ESRRG: variants seen among roughly 807,000 people sequenced by gnomAD.
ESRRG encodes the protein estrogen-related receptor gamma.
Under a neutral mutation model 44.0 loss-of-function variants are expected in ESRRG, and 13 were observed. The observed-to-expected ratio is 0.30, with a 90% confidence interval of 0.19 to 0.47. ESRRG has a LOEUF of 0.47. Among genes scored for constraint, ESRRG ranks in the 20% least tolerant of loss-of-function variants. ESRRG has a pLI of 1.00. For missense variants in ESRRG, 395 were observed against 580.6 expected (o/e 0.68, Z 3.29); for synonymous variants, 215 against 214.6 (o/e 1.00, Z -0.02).
At chr1:216,648,809 G>T (rs1193929471) in intron 3 of ESRRG, among the ~76,000 whole-genome samples, 1 of 152,012 alleles carries the variant, frequency 6.6e-6, no homozygotes, top group East Asian at 1.9e-4. Flanking sequence ...TTAAAAAATG[G>T]ATTTGCTTTT....
chr1:217,003,520 T>C (rs1264343893), intron 1 of ESRRG, among the ~76,000 whole-genome samples: 1 of 150,834 alleles, frequency 6.6e-6, no homozygotes, highest in Non-Finnish European at 1.5e-5. Flanking sequence ...TTTGCTTGTC[T>C]CATGGCTAAT....
chr1:216,576,806 CA>C (rs2061760688), intron 3 of ESRRG, among the ~76,000 whole-genome samples: 1 of 151,986 alleles, frequency 6.6e-6, no homozygotes, highest in South Asian at 2.1e-4. Flanking sequence ...ATCTATGACA[CA>C]TACAAGTACA....
chr1:216,790,175 T>G (rs1333299718), intron 2 of ESRRG, among the ~76,000 whole-genome samples: 3 of 152,176 alleles, frequency 2.0e-5, no homozygotes, highest in East Asian at 3.9e-4. Flanking sequence ...CAACCTGCCA[T>G]AGTCACTTCA....
chr1:216,606,582 C>A (rs944497670), intron 3 of ESRRG, among the ~76,000 whole-genome samples: 1 of 152,000 alleles, frequency 6.6e-6, no homozygotes, highest in African/African-American at 2.4e-5. Context: ...ACAAGATGAC[C>A]CTCAGCACTC....
At chr1:216,785,991 G>T (rs1164460169) in intron 2 of ESRRG, among the ~76,000 whole-genome samples, 1 of 152,086 alleles carries the variant, frequency 6.6e-6, no homozygotes, top group African/African-American at 2.4e-5. Context: ...ATAGTGGTGG[G>T]AGTTTAGGAA....
At chr1:216,894,683 G>A (rs1033262176) in intron 2 of ESRRG, among the ~76,000 whole-genome samples, 1 of 152,084 alleles carries the variant, frequency 6.6e-6, no homozygotes, top group African/African-American at 2.4e-5. Context: ...GGAGGGAGGA[G>A]GAAGAGAGCG....
intron 1 of ESRRG, among the ~76,000 whole-genome samples, chr1:217,024,140 C>T (rs538385944): frequency 3.3e-5 from 5 of 152,218 alleles, no homozygotes; most frequent in Admixed American, 6.5e-5. Flanking sequence ...GGGCGGATCA[C>T]GAGGTCAGGA....
intron 5 of ESRRG, among the ~76,000 whole-genome samples, chr1:216,534,949 T>C (rs950262794): frequency 1.3e-5 from 2 of 152,040 alleles, no homozygotes; most frequent in African/African-American, 4.8e-5. Flanking sequence ...AGTGGGTCAA[T>C]CCAAGTCAGC....
intron 1 of ESRRG, among the ~76,000 whole-genome samples, chr1:217,038,725 C>T (rs923038536): frequency 6.6e-6 from 1 of 152,196 alleles, no homozygotes; most frequent in Non-Finnish European, 1.5e-5. Context: ...CTCTGACCTG[C>T]ACTGGAGACA....
intron 3 of ESRRG, among the ~76,000 whole-genome samples, chr1:216,570,213 C>T (rs2060523837): frequency 6.6e-6 from 1 of 152,058 alleles, no homozygotes; most frequent in African/African-American, 2.4e-5. Flanking sequence ...CATCAGGAGA[C>T]AACTTTGAGA....
intron 5 of ESRRG, among the ~76,000 whole-genome samples, chr1:216,542,161 C>T (rs967889932): frequency 6.8e-6 from 1 of 147,836 alleles, no homozygotes; most frequent in Non-Finnish European, 1.5e-5. Context: ...AGTTCCTATC[C>T]TTTTCATCTG....
chr1:216,505,573 T>C lies in ESRRG; in HGVS notation c.*1366A>G, dbSNP rs932250489. On this transcript the variant is annotated 3_prime_UTR_variant, in exon 7 of 7. Coordinates refer to ENST00000408911, the MANE Select transcript of ESRRG (RefSeq NM_001438.4). ...GGCAGTATCACATTCCTAACCACCATGGCAGCTAGAAATCATATGGCAATT... is the reference window on the plus strand; with the variant it reads ...GGCAGTATCACATTCCTAACCACCACGGCAGCTAGAAATCATATGGCAATT... 6.6e-6 allele frequency: 1 copy of C among 152,540 alleles called. No individual in the cohort carries two copies. The highest frequency in any genetic ancestry group is 1.5e-5 in the Non-Finnish European group (1 of 68,028). The allele number at this position is 152,540 out of a possible 1,614,324, so 9.4% of individuals were successfully genotyped here.
intron 1 of ESRRG, among the ~76,000 whole-genome samples, chr1:217,061,893 AATAAG>A (rs977269531): frequency 9.8e-5 from 15 of 152,306 alleles, no homozygotes; most frequent in African/African-American, 3.6e-4. Flanking sequence ...AAATAAAACA[AATAAG>A]ATAAATTCAG....
At chr1:216,517,083 C>T (rs1451040251) in intron 6 of ESRRG, among the ~76,000 whole-genome samples, 7 of 151,988 alleles carry the variant, frequency 4.6e-5, no homozygotes, top group African/African-American at 1.7e-4. Flanking sequence ...TATTGAGGGG[C>T]TAAGTCAATG....
At chr1:217,018,807 T>C (rs533577400) in intron 1 of ESRRG, among the ~76,000 whole-genome samples, 11 of 152,270 alleles carry the variant, frequency 7.2e-5, no homozygotes, top group Non-Finnish European at 1.3e-4. Flanking sequence ...CTAACACTCA[T>C]GCCGTCTTAA....
upstream of ESRRG, among the ~76,000 whole-genome samples, chr1:216,725,704 A>AC (rs1009266768): frequency 2.6e-5 from 4 of 151,744 alleles, no homozygotes; most frequent in African/African-American, 9.7e-5. Context: ...ACACACACAC[A>AC]AAAAAGAAAG....
chr1:217,122,578 C>T (rs1258164050), intron 1 of ESRRG, among the ~76,000 whole-genome samples: 15 of 151,942 alleles, frequency 9.9e-5, no homozygotes, highest in East Asian at 9.7e-4. Flanking sequence ...CTTCTTCATC[C>T]GGTGGTTCTT....
chr1:216,795,370 G>T (rs1282119590), intron 2 of ESRRG, among the ~76,000 whole-genome samples: 3 of 117,936 alleles, frequency 2.5e-5, no homozygotes, highest in African/African-American at 1.0e-4. Context: ...TTGAGCCAGA[G>T]TCTCACTTTG....
chr1:216,673,686 C>T (rs2075605925), intron 2 of ESRRG, among the ~76,000 whole-genome samples: 1 of 152,218 alleles, frequency 6.6e-6, no homozygotes, highest in Non-Finnish European at 1.5e-5. Context: ...TATTGCAGAG[C>T]TATTAATGTC....
Sources: gnomAD v4.1 joint callset for allele counts (sites outside exome capture counted in the v4.1 genomes callset) on GRCh38, gnomAD v4.1.1 for gene constraint, MANE v1.5 for transcripts, NCBI Gene and HGNC (gene_info 2026-07-23, HGNC 2026-07-21) for gene names.